Variants in ADAMTSL1 observed in about 807,000 individuals in gnomAD.
ADAMTSL1 encodes ADAMTS-like protein 1.
In ADAMTSL1, 126 loss-of-function variants were observed where a neutral mutation model predicts 201.8. That is an observed-to-expected ratio of 0.62 (90% CI 0.54 to 0.72). The LOEUF (loss-of-function observed/expected upper bound fraction) is 0.72. Ranked by LOEUF, ADAMTSL1 falls within the 30% of genes least tolerant of loss-of-function variation. ADAMTSL1 has a pLI of 0.00. For missense variants in ADAMTSL1, 2,679 were observed against 2,277.8 expected (o/e 1.18, Z -3.59); for synonymous variants, 1,121 against 903.4 (o/e 1.24, Z -4.32).
chr9:18,452,721 G>A (rs1175863639), intron 2 of ADAMTSL1, among the ~76,000 whole-genome samples: 1 of 152,182 alleles, frequency 6.6e-6, no homozygotes, highest in Non-Finnish European at 1.5e-5. Context: ...AACCCAACAG[G>A]GAAGACACTA....
At chr9:18,406,489 C>T (rs956213372) in intron 2 of ADAMTSL1, among the ~76,000 whole-genome samples, 5 of 151,944 alleles carry the variant, frequency 3.3e-5, no homozygotes, top group East Asian at 1.9e-4. Flanking sequence ...TCACATTGCC[C>T]GGCTAATTTT....
intron 1 of ADAMTSL1, among the ~76,000 whole-genome samples, chr9:17,963,671 T>G (rs1465448234): frequency 6.6e-6 from 1 of 152,148 alleles, no homozygotes; most frequent in African/African-American, 2.4e-5. Flanking sequence ...TTCACTTCAT[T>G]ATGTAACATC....
intron 4 of ADAMTSL1, among the ~76,000 whole-genome samples, chr9:18,605,765 A>G (rs148876232): frequency 2.8e-4 from 42 of 152,348 alleles, no homozygotes; most frequent in African/African-American, 1.0e-3. Flanking sequence ...AAGTGTACAA[A>G]TATTCCATTC....
intron 1 of ADAMTSL1, among the ~76,000 whole-genome samples, chr9:18,477,137 T>C (rs1357284134): frequency 6.6e-6 from 1 of 152,214 alleles, no homozygotes; most frequent in African/African-American, 2.4e-5. Context: ...TTATTCTCTC[T>C]CCTTTGTCCC....
rs1324381880 is a variant in ADAMTSL1, at chr9:18,655,006, G to T, written c.835-2633G>T. ...AGCGACTGAACAGCTAAGCCAGGCTGGGGGGACCCCTGACTGCCAGCCCCC... is the reference window on the plus strand; with the variant it reads ...AGCGACTGAACAGCTAAGCCAGGCTTGGGGGACCCCTGACTGCCAGCCCCC... On this transcript the variant is annotated intron_variant, in intron 7 of 28. Transcript: ENST00000380548. 2.6e-5 allele frequency among the ~76,000 whole-genome samples: 4 copies of T among 152,340 alleles called. No individual in the cohort carries two copies. The East Asian group carries it at 7.7e-4, about 29-fold the overall frequency.
At chr9:18,610,725 G>A (rs931220811) in intron 4 of ADAMTSL1, among the ~76,000 whole-genome samples, 1 of 152,104 alleles carries the variant, frequency 6.6e-6, no homozygotes. Context: ...AATTGTGATG[G>A]GAGGAGAATT....
chr9:17,943,028 C>G (rs537414636), intron 1 of ADAMTSL1, among the ~76,000 whole-genome samples: 1 of 152,006 alleles, frequency 6.6e-6, no homozygotes, highest in Non-Finnish European at 1.5e-5. Flanking sequence ...CTTAAGTGAT[C>G]CTCCTGCTTT....
chr9:17,913,891 A>C (rs1244159241), intron 1 of ADAMTSL1, among the ~76,000 whole-genome samples: 2 of 152,302 alleles, frequency 1.3e-5, no homozygotes, highest in East Asian at 3.9e-4. Context: ...TACTGCAAAC[A>C]CCTCTACGCA....
At chr9:18,293,857 A>T (rs971239450) in intron 2 of ADAMTSL1, among the ~76,000 whole-genome samples, 5 of 152,228 alleles carry the variant, frequency 3.3e-5, no homozygotes, top group African/African-American at 1.2e-4. Context: ...GTACTAAATA[A>T]GGAATATGGT....
Position 17,949,753 on chromosome 9 carries a change from A to G in ADAMTSL1, c.87+42831A>G, listed in dbSNP as rs1184242163. Among the ~76,000 whole-genome samples, 4 of 152,270 alleles carry G rather than the reference A, an allele frequency of 2.6e-5. No individual in the cohort carries two copies. In the East Asian group the frequency reaches 7.7e-4, roughly 29 times the overall value. On this transcript the variant is annotated intron_variant, in intron 1 of 29. Transcript: ENST00000680146. The stretch of plus-strand genomic sequence containing the variant: ...TATCTCCTGTGCTTCCCACAGCAAC[A>G]TGTGCAACTAATGTGTGGCTTCCAT...
At chr9:18,803,285 T>A (rs771648258) in intron 20 of ADAMTSL1, among the ~76,000 whole-genome samples, 43 of 152,344 alleles carry the variant, frequency 2.8e-4, no homozygotes, top group South Asian at 4.1e-4. Flanking sequence ...CTGGCTATAA[T>A]CTGAGTGCCA....
At chr9:18,858,253 A>T (rs1170356537) in intron 23 of ADAMTSL1, among the ~76,000 whole-genome samples, 1 of 152,056 alleles carries the variant, frequency 6.6e-6, no homozygotes, top group Non-Finnish European at 1.5e-5. Flanking sequence ...TTCTTATGCG[A>T]TCAAGCCCTC....
intron 23 of ADAMTSL1, among the ~76,000 whole-genome samples, chr9:18,835,172 G>A (rs924310099): frequency 6.6e-6 from 1 of 152,098 alleles, no homozygotes; most frequent in Non-Finnish European, 1.5e-5. Context: ...TACTGTGTGT[G>A]TAGTGGTTTC....
chr9:18,575,275 A>G (rs1822635510), intron 4 of ADAMTSL1, among the ~76,000 whole-genome samples: 2 of 152,198 alleles, frequency 1.3e-5, no homozygotes, highest in African/African-American at 4.8e-5. Flanking sequence ...TATGCATGCA[A>G]GAGGGAAACA....
At chr9:18,542,639 A>G (rs1481361983) in intron 3 of ADAMTSL1, among the ~76,000 whole-genome samples, 1 of 152,024 alleles carries the variant, frequency 6.6e-6, no homozygotes, top group African/African-American at 2.4e-5. Context: ...GTAGAAACCA[A>G]CCTTGCAGAC....
At chr9:18,460,486 A>G (rs1337367145) in intron 2 of ADAMTSL1, among the ~76,000 whole-genome samples, 1 of 152,252 alleles carries the variant, frequency 6.6e-6, no homozygotes, top group East Asian at 1.9e-4. Context: ...AGTCCAGGGC[A>G]CTCAAAAGTG....
intron 2 of ADAMTSL1, among the ~76,000 whole-genome samples, chr9:18,512,359 G>A (rs1564008270): frequency 2.0e-5 from 3 of 151,870 alleles, no homozygotes; most frequent in Non-Finnish European, 2.9e-5. Flanking sequence ...AATAAAAGAT[G>A]GTTAGAAATG....
rs76456235 is a variant in ADAMTSL1, at chr9:18,811,012, C to CAAAAAAAA, written c.3806-6081_3806-6074dup. Reference sequence around the variant, plus strand: ...GCTACTGGTAAACACCAATGAGTACCAAAAAAAAAAAAAAAAAAAAAAACA... The same window carrying CAAAAAAAA: ...GCTACTGGTAAACACCAATGAGTACCAAAAAAAAAAAAAAAAAAAAAAAAAAAAAAACA... On this transcript the variant is annotated intron_variant, in intron 20 of 28. Transcript: ENST00000380548. 3.7e-3 allele frequency among the ~76,000 whole-genome samples: 143 copies of CAAAAAAAA among 38,744 alleles called. 1 individual carries two copies. Among genetic ancestry groups the CAAAAAAAA allele is most frequent in the East Asian group, 8.9e-3 (9 of 1,010 alleles). The allele number at this position is 38,744 out of a possible 152,430, so 25.4% of individuals were successfully genotyped here.
rs1830544078 is a variant in ADAMTSL1 at position 18,910,570 on chromosome 9, T to TAATA, written c.*2023_*2026dup. The stretch of plus-strand genomic sequence containing the variant: ...AGTAAGAGGGAATTCATTTGTGGCA[T>TAATA]AATAGTTATGCATGGAATGATAAAG... On this transcript the variant is annotated 3_prime_UTR_variant, in exon 29 of 29. Coordinates refer to ENST00000380548, the MANE Select transcript of ADAMTSL1 (RefSeq NM_001040272.6). The TAATA allele has an allele frequency of 6.6e-6, 1 of 152,246 alleles. No homozygotes were observed. Among genetic ancestry groups the TAATA allele is most frequent in the African/African-American group, 2.4e-5 (1 of 41,462 alleles). 9.4% of individuals were successfully genotyped at this position (152,246 alleles called of 1,614,324 possible). A position where few individuals can be genotyped will look rare whatever the true frequency, so the allele number is the denominator to read the frequency against.
Sources: allele counts gnomAD v4.1 joint callset (sites outside exome capture counted in the v4.1 genomes callset), GRCh38; gene constraint gnomAD v4.1.1; transcripts MANE v1.5; gene names NCBI Gene and HGNC (gene_info 2026-07-23, HGNC 2026-07-21).